Variants in CTNND2 observed in about 807,000 individuals in gnomAD.
CTNND2 encodes catenin delta 2.
CTNND2 carries 22 observed loss-of-function variants against 144.4 expected under a neutral mutation model. The observed-to-expected ratio is 0.15, with a 90% CI of 0.11 to 0.22. The LOEUF (loss-of-function observed/expected upper bound fraction) is 0.22, where lower values mean the gene tolerates loss of function less well. Among genes scored for constraint, CTNND2 ranks in the 10% least tolerant of loss-of-function variants. The pLI is 1.00. For missense variants in CTNND2, 1,353 were observed against 1,618.8 expected, an observed-to-expected ratio of 0.84 and a Z score of 2.82; for synonymous variants, 751 against 695.6, an observed-to-expected ratio of 1.08 and a Z score of -1.25.
chr5:11,880,517 C>CACCACT (rs1553989089), intron 1 of CTNND2, among the ~76,000 whole-genome samples: 1 of 95,650 alleles, frequency 1.0e-5, no homozygotes, highest in East Asian at 3.5e-4. Flanking sequence ...CTACTACTAC[C>CACCACT]ACTACTACTA....
At chr5:11,150,617 CTTTTTTTT>C (rs10602477) in intron 12 of CTNND2, among the ~76,000 whole-genome samples, 7 of 72,068 alleles carry the variant, frequency 9.7e-5, no homozygotes, top group Admixed American at 3.8e-4. Flanking sequence ...CTGCTGCCTT[CTTTTTTTT>C]TTTTTTTTTT....
At position 11,730,623 on chromosome 5, in the gene CTNND2, T is replaced by C. The variant is rs189552476; in HGVS notation, c.174+1513A>G. On this transcript the variant is annotated intron_variant, in intron 2 of 21. Coordinates refer to ENST00000304623, the MANE Select transcript of CTNND2 (RefSeq NM_001332.4). ...GGTCTTTAAAATAGTTTGATCCAGTTTGCCAAAGAAACAAACAACCAGCCA... is the reference window on the plus strand; with the variant it reads ...GGTCTTTAAAATAGTTTGATCCAGTCTGCCAAAGAAACAAACAACCAGCCA... Among the ~76,000 whole-genome samples the C allele has an allele frequency of 1.9e-4, 29 of 152,308 alleles. No individual in the cohort carries two copies. In the East Asian group the frequency reaches 5.2e-3, roughly 27 times the overall value.
intron 1 of CTNND2, among the ~76,000 whole-genome samples, chr5:11,869,685 C>T (rs1412391146): frequency 2.6e-5 from 4 of 152,134 alleles, no homozygotes; most frequent in Admixed American, 2.6e-4. Context: ...GTATATAATG[C>T]CACTTACTTC....
At chr5:11,615,814 C>G (rs940553252) in intron 2 of CTNND2, among the ~76,000 whole-genome samples, 2 of 152,134 alleles carry the variant, frequency 1.3e-5, no homozygotes, top group Non-Finnish European at 2.9e-5. Context: ...AGTGGACCAT[C>G]AGAAGTCCCA....
intron 12 of CTNND2, among the ~76,000 whole-genome samples, chr5:11,127,061 C>G (rs1754751776): frequency 6.6e-6 from 1 of 152,216 alleles, no homozygotes; most frequent in South Asian, 2.1e-4. Context: ...TCTGCAGGCT[C>G]CAACCAAGGA....
chr5:11,588,134 C>G (rs1235466695), intron 2 of CTNND2, among the ~76,000 whole-genome samples: 1 of 152,070 alleles, frequency 6.6e-6, no homozygotes, highest in Non-Finnish European at 1.5e-5. Flanking sequence ...CTAGTATAAA[C>G]TTATCACTGA....
intron 2 of CTNND2, among the ~76,000 whole-genome samples, chr5:11,691,287 C>G (rs184420421): frequency 6.6e-6 from 1 of 151,932 alleles, no homozygotes; most frequent in East Asian, 1.9e-4. Context: ...AGAAGAATGG[C>G]GTGAACCCAG....
At chr5:11,299,293 G>A (rs1749329575) in intron 9 of CTNND2, among the ~76,000 whole-genome samples, 1 of 152,088 alleles carries the variant, frequency 6.6e-6, no homozygotes, top group Non-Finnish European at 1.5e-5. Context: ...TCTGTCATAG[G>A]CAAGCATATG....
chr5:11,151,468 T>C (rs919678454), intron 12 of CTNND2, among the ~76,000 whole-genome samples: 16 of 152,208 alleles, frequency 1.1e-4, no homozygotes, highest in Admixed American at 5.2e-4. Context: ...TTTAAACCAA[T>C]TGATAATTCA....
At chr5:11,413,510 T>A (rs562256786) in intron 3 of CTNND2, among the ~76,000 whole-genome samples, 1 of 152,154 alleles carries the variant, frequency 6.6e-6, no homozygotes, top group African/African-American at 2.4e-5. Flanking sequence ...ATCAATCCCA[T>A]TGGTCATTTG....
chr5:11,237,637 G>A (rs752424079), intron 9 of CTNND2, among the ~76,000 whole-genome samples: 1 of 152,036 alleles, frequency 6.6e-6, no homozygotes, highest in Non-Finnish European at 1.5e-5. Context: ...AATAGCTGGG[G>A]TTACAGGCAT....
chr5:11,408,270 A>G (rs1405590179), intron 5 of CTNND2, among the ~76,000 whole-genome samples: 4 of 152,178 alleles, frequency 2.6e-5, no homozygotes, highest in Non-Finnish European at 5.9e-5. Context: ...ATATATACAC[A>G]GAGCAATTTA....
At chr5:11,365,910 G>A (rs977549133) in intron 7 of CTNND2, among the ~76,000 whole-genome samples, 6 of 152,176 alleles carry the variant, frequency 3.9e-5, no homozygotes, top group Non-Finnish European at 4.4e-5. Flanking sequence ...TACAGAACAC[G>A]GACAAGAACC....
chr5:11,398,395 T>C (rs776747676), intron 5 of CTNND2, among the ~76,000 whole-genome samples: 1 of 152,202 alleles, frequency 6.6e-6, no homozygotes, highest in Non-Finnish European at 1.5e-5. Flanking sequence ...TTAAATAACA[T>C]TGGTTCACAA....
chr5:11,422,172 C>G (rs1329466401), intron 3 of CTNND2, among the ~76,000 whole-genome samples: 1 of 152,088 alleles, frequency 6.6e-6, no homozygotes, highest in Admixed American at 6.5e-5. Context: ...TACATATTAT[C>G]AAAAATATAA....
intron 2 of CTNND2, among the ~76,000 whole-genome samples, chr5:11,646,834 C>T (rs1434494602): frequency 2.6e-5 from 4 of 152,130 alleles, no homozygotes; most frequent in Non-Finnish European, 5.9e-5. Flanking sequence ...AGTTGCCTGA[C>T]CTCCTTCTGC....
chr5:11,128,136 C>A (rs1252736894), intron 12 of CTNND2, among the ~76,000 whole-genome samples: 1 of 152,080 alleles, frequency 6.6e-6, no homozygotes, highest in Non-Finnish European at 1.5e-5. Flanking sequence ...TCTGCTTTCC[C>A]TGGCTGGAGT....
At chr5:11,081,206 T>G (rs2149632569) in intron 16 of CTNND2, among the ~76,000 whole-genome samples, 1 of 144,806 alleles carries the variant, frequency 6.9e-6, no homozygotes, top group Admixed American at 6.9e-5. Context: ...GGTGGAAGGG[T>G]GCAAAGTTTC....
At chr5:11,316,371 G>A (rs1197028692) in intron 9 of CTNND2, among the ~76,000 whole-genome samples, 16 of 151,840 alleles carry the variant, frequency 1.1e-4, no homozygotes, top group African/African-American at 3.9e-4. Flanking sequence ...GACTATAGGC[G>A]CCTGCCACCA....
Sources: allele counts gnomAD v4.1 joint callset (sites outside exome capture counted in the v4.1 genomes callset), GRCh38; gene constraint gnomAD v4.1.1; transcripts MANE v1.5; gene names NCBI Gene and HGNC (gene_info 2026-07-23, HGNC 2026-07-21).